The following IBSP variants were observed in gnomAD, a reference collection of about 807,000 sequenced individuals.
IBSP encodes the protein integrin-binding sialoprotein.
In IBSP, 19 loss-of-function variants were observed where a neutral mutation model predicts 25.5. The observed-to-expected ratio is 0.74, with a 90% CI of 0.52 to 1.09. IBSP has a LOEUF of 1.09. IBSP is among the 50% of genes least tolerant of loss of function. The probability of loss-of-function intolerance (pLI) is 0.00; values close to 1 mark genes in which losing one functional copy is unlikely to be tolerated. For synonymous variants in IBSP, 144 were observed against 137.6 expected (o/e 1.05, Z -0.33); for missense variants, 360 against 382.3 (o/e 0.94, Z 0.49).
At chr4:87,802,844 G>T in intron 4 of IBSP, 113 bp downstream of exon 4, 1 of 674,014 alleles carries the variant, frequency 1.5e-6, no homozygotes, top group South Asian at 2.7e-5. Context: ...CAGTCAAAAA[G>T]ACTGCTTACT....
rs778963038 is a variant in IBSP at position 87,801,979 on chromosome 4, C to G, written c.-14-369C>G. Among the ~76,000 whole-genome samples the G allele has an allele frequency of 3.3e-5, 5 of 152,166 alleles. No individual in the cohort carries two copies. The East Asian group carries it at 9.6e-4, about 29-fold the overall frequency. ...CAAACAAACAGGGCACACAACTACA[C>G]TAACAATTCAATTCACTTAGCTGAC... On this transcript the variant is annotated intron_variant, in intron 1 of 6. Coordinates refer to ENST00000226284, the MANE Select transcript of IBSP (RefSeq NM_004967.4).
In IBSP at chr4:87,802,266, A is replaced by T. The variant is rs1433825431; in HGVS notation, c.-14-82A>T. 5 of 777,792 alleles carry T rather than the reference A, an allele frequency of 6.4e-6. No individual in the cohort carries two copies. In the East Asian group the frequency reaches 1.3e-4, roughly 21 times the overall value. 48.2% of individuals were successfully genotyped at this position (777,792 alleles called of 1,614,324 possible). ...TTACACAGAAATGAAAACAAATTAA[A>T]TACTTCATCTTTGAATATGAGTAAA... On this transcript the variant is annotated intron_variant, in intron 1 of 6. Transcript: ENST00000226284.
Position 87,811,381 on chromosome 4 carries a change from A to G in IBSP, c.425A>G (p.Lys142Arg). ...TTACAGGCTGGGGATATAACAAATA[A>G]AGCTACAAAAGAGAAGGAAAGTGAT... ...LPKKAGDITN[K>R]ATKEKESDEE... Residue 142 changes from lysine (K) to arginine (R), a missense_variant, in exon 7 of 7, where the codon AAA (lysine) becomes AGA (arginine). Lys to Arg is a conservative substitution (Grantham distance 26). Transcript: ENST00000226284. 1 of 1,609,786 alleles carries G rather than the reference A, an allele frequency of 6.2e-7. No individual in the cohort carries two copies. Among genetic ancestry groups the G allele is most frequent in the Non-Finnish European group, 8.5e-7 (1 of 1,178,722 alleles).
At position 87,811,627 on chromosome 4, in the gene IBSP, C is replaced by T. The variant is rs200197393; in HGVS notation, c.671C>T (p.Thr224Ile). The T allele has an allele frequency of 2.5e-6, 4 of 1,613,764 alleles. No individual in the cohort carries two copies. The highest frequency in any genetic ancestry group is 3.4e-6 in the Non-Finnish European group (4 of 1,179,940). ...GAGACCGGAAGGCAGGGCAAGGGCA[C>T]CTCGAAGACAACAACCTCTCCAAAT... Reference protein sequence around the residue: ...TTETGRQGKGTSKTTTSPNGG... With the variant: ...TTETGRQGKGISKTTTSPNGG... The change falls in exon 7 of 7, where the codon ACC becomes ATC. Residue 224 changes from threonine (T) to isoleucine (I), a missense_variant. Coordinates refer to ENST00000226284, the MANE Select transcript of IBSP (RefSeq NM_004967.4).
Position 87,812,079 on chromosome 4 carries a change from C to G in IBSP, c.*169C>G, listed in dbSNP as rs1162486264. On this transcript the variant is annotated 3_prime_UTR_variant, in exon 7 of 7. Coordinates refer to ENST00000226284, the MANE Select transcript of IBSP (RefSeq NM_004967.4). ...TCTGCAAAGTAATAGGCTTCTTGTC[C>G]CTTTTTTTTCTGGCATGTTATGGAA... is the stretch of plus-strand genomic sequence containing the variant. 2.0e-6 allele frequency: 1 copy of G among 512,016 alleles called. No homozygotes were observed. Among genetic ancestry groups the G allele is most frequent in the Non-Finnish European group, 3.3e-6 (1 of 299,358 alleles). The allele number at this position is 512,016 out of a possible 1,614,324, so 31.7% of individuals were successfully genotyped here. A position where few individuals can be genotyped will look rare whatever the true frequency, so the allele number is the denominator to read the frequency against.
chr4:87,811,029 C>T (rs1435513700), intron 6 of IBSP, among the ~76,000 whole-genome samples: 3 of 152,100 alleles, frequency 2.0e-5, no homozygotes, highest in Non-Finnish European at 4.4e-5. Flanking sequence ...TAAGAACACA[C>T]CACTAGGCAT....
rs146842207 is a variant in IBSP at position 87,811,763 on chromosome 4, T to C, written c.807T>C (p.Asn269=). 3 of 1,613,836 alleles carry C rather than the reference T, an allele frequency of 1.9e-6. No individual in the cohort carries two copies. The highest frequency in any genetic ancestry group is 2.5e-6 in the Non-Finnish European group (3 of 1,179,974). ...GGGAGTACGAATACACGGGCGCCAA[T>C]GAATACGACAATGGATATGAAATCT... The part of the protein sequence containing the change: ...YEGEYEYTGA[N]EYDNGYEIYE... Residue 269 remains asparagine (N), a synonymous_variant, in exon 7 of 7, where the codon AAT becomes AAC. Transcript: ENST00000226284.
chr4:87,810,562 C>A, intron 5 of IBSP, 44 bp from the exon 6 acceptor site: 1 of 1,435,888 alleles, frequency 7.0e-7, no homozygotes, highest in Non-Finnish European at 9.8e-7. Context: ...CTTGAACTAT[C>A]TTCCAGGTAA....
chr4:87,812,047 A>G lies in IBSP; in HGVS notation c.*137A>G. 1.6e-6 allele frequency: 1 copy of G among 635,736 alleles called. No homozygotes were observed. Among genetic ancestry groups the G allele is most frequent in the Non-Finnish European group, 2.5e-6 (1 of 393,816 alleles). 39.4% of individuals were successfully genotyped at this position (635,736 alleles called of 1,614,324 possible). ...GGTACTACCGTTCCAGATTTTCTGT[A>G]ATTGCTTCTGCAAAGTAATAGGCTT... On this transcript the variant is annotated 3_prime_UTR_variant, in exon 7 of 7. Transcript: ENST00000226284.
intron 1 of IBSP, among the ~76,000 whole-genome samples, chr4:87,801,562 A>G (rs889030459): frequency 5.3e-5 from 8 of 152,044 alleles, no homozygotes; most frequent in Non-Finnish European, 1.2e-4. Flanking sequence ...TGTTCAGAGG[A>G]AAATTGCTCC....
At chr4:87,800,518 G>C (rs72875414) in intron 1 of IBSP, among the ~76,000 whole-genome samples, 1 of 152,066 alleles carries the variant, frequency 6.6e-6, no homozygotes, top group East Asian at 1.9e-4. Flanking sequence ...GCTTGGTCAC[G>C]GCTGGCAAAG....
Position 87,806,164 on chromosome 4 carries a change from G to T in IBSP, c.226G>T (p.Glu76Ter), listed in dbSNP as rs781450626. Reference protein sequence around the residue: ...SSEENGDDSSEEEEEEEETSN... With the variant: ...SSEENGDDSS ...CGAAGAAAATGGAGATGACAGTTCA[G>T]AAGAGGAGGAGGAAGAAGAGGTAAG... Residue 76 changes from glutamate to a stop codon, truncating the protein, a stop_gained, in exon 5 of 7, where the codon GAA (glutamate) becomes TAA (stop). Transcript: ENST00000226284. LOFTEE classifies it high-confidence loss of function. 3.1e-6 allele frequency: 5 copies of T among 1,611,700 alleles called. No homozygotes were observed. The South Asian group carries it at 4.4e-5, about 14-fold the overall frequency.
intron 1 of IBSP, among the ~76,000 whole-genome samples, chr4:87,801,515 C>CAT (rs1722016985): frequency 1.2e-5 from 1 of 86,112 alleles, no homozygotes; most frequent in South Asian, 4.7e-4. Flanking sequence ...CACACACACA[C>CAT]GCATATACAC....
Position 87,812,093 on chromosome 4 carries a change from C to T in IBSP, c.*183C>T. 2.0e-6 allele frequency: 1 copy of T among 501,022 alleles called. No individual in the cohort carries two copies. Among genetic ancestry groups the T allele is most frequent in the Non-Finnish European group, 3.5e-6 (1 of 289,596 alleles). 31.0% of individuals were successfully genotyped at this position (501,022 alleles called of 1,614,324 possible). ...GGCTTCTTGTCCCTTTTTTTTCTGG[C>T]ATGTTATGGAATGATCATTGTAAAT... On this transcript the variant is annotated 3_prime_UTR_variant, in exon 7 of 7. Coordinates refer to ENST00000226284, the MANE Select transcript of IBSP (RefSeq NM_004967.4).
chr4:87,807,612 C>T (rs997453192), intron 5 of IBSP, among the ~76,000 whole-genome samples: 2 of 152,200 alleles, frequency 1.3e-5, no homozygotes, highest in African/African-American at 4.8e-5. Flanking sequence ...TTGTCAACTA[C>T]ATTTCCCAAC....
At chr4:87,807,389 T>A (rs1722103470) in intron 5 of IBSP, among the ~76,000 whole-genome samples, 1 of 147,998 alleles carries the variant, frequency 6.8e-6, no homozygotes, top group Admixed American at 6.6e-5. Context: ...GGTATATTTT[T>A]AACTATAAAA....
chr4:87,801,559 A>G, intron 1 of IBSP, among the ~76,000 whole-genome samples: 1 of 151,992 alleles, frequency 6.6e-6, no homozygotes, highest in Non-Finnish European at 1.5e-5. Flanking sequence ...AGATGTTCAG[A>G]GGAAAATTGC....
chr4:87,812,291 T>C lies in IBSP; in HGVS notation c.*381T>C, dbSNP rs1032919410. The C allele has an allele frequency of 1.7e-5, 3 of 176,026 alleles. No homozygotes were observed. The highest frequency in any genetic ancestry group is 7.1e-5 in the African/African-American group (3 of 42,428). The allele number at this position is 176,026 out of a possible 1,614,324, so 10.9% of individuals were successfully genotyped here. A position where few individuals can be genotyped will look rare whatever the true frequency, so the allele number is the denominator to read the frequency against. On this transcript the variant is annotated 3_prime_UTR_variant, in exon 7 of 7. Transcript: ENST00000226284. ...AGAATTTCATTGACATTAATGACAC[T>C]GTATACAATAAATGTGTAGTTTCTT...
intron 5 of IBSP, among the ~76,000 whole-genome samples, chr4:87,809,978 T>C (rs1217258486): frequency 1.3e-5 from 2 of 152,230 alleles, no homozygotes; most frequent in Non-Finnish European, 2.9e-5. Flanking sequence ...ATGCCTGTAA[T>C]CCCAGCACTT....
Sources: gnomAD v4.1 joint callset for allele counts (sites outside exome capture counted in the v4.1 genomes callset) on GRCh38, gnomAD v4.1.1 for gene constraint, MANE v1.5 for transcripts, NCBI Gene and HGNC (gene_info 2026-07-23, HGNC 2026-07-21) for gene names.